GXYLT1: variants seen among roughly 807,000 people sequenced by gnomAD.
GXYLT1 encodes the protein glucoside xylosyltransferase 1.
Under a neutral mutation model 54.0 loss-of-function variants are expected in GXYLT1, and 29 were observed. That is an observed-to-expected ratio of 0.54 (90% confidence interval 0.40 to 0.73). The LOEUF (loss-of-function observed/expected upper bound fraction) is 0.73. Ranked by LOEUF, GXYLT1 falls within the 30% of genes least tolerant of loss-of-function variation. GXYLT1 has a pLI of 0.00. For synonymous variants in GXYLT1, 176 were observed against 204.1 expected, an observed-to-expected ratio of 0.86 and a Z score of 1.17; for missense variants, 490 against 553.4, an observed-to-expected ratio of 0.89 and a Z score of 1.15.
chr12:42,123,623 A>G (rs1296539196), intron 2 of GXYLT1, among the ~76,000 whole-genome samples: 1 of 151,998 alleles, frequency 6.6e-6, no homozygotes, highest in African/African-American at 2.4e-5. Flanking sequence ...GAATCATAAT[A>G]ACTTTTTTGA....
intron 5 of GXYLT1, 68 bp downstream of exon 5, chr12:42,105,748 TTA>T: frequency 8.4e-7 from 1 of 1,191,024 alleles, no homozygotes; most frequent in Non-Finnish European, 1.2e-6. Context: ...TTAATAAAAT[TTA>T]GTTTTATTAA....
rs1323790152 is a variant in GXYLT1, at chr12:42,144,620, C to A, written c.27G>T (p.Val9=). MRRYLRVV[V]LCVACGFCSL... ...AGCAGAAGCCGCAGGCCACACACAG[C>A]ACCACGACGCGCAGGTAGCGCCGCA... Residue 9 remains valine, a synonymous_variant, in exon 1 of 8, where the codon GTG becomes GTT. Coordinates refer to ENST00000398675, the MANE Select transcript of GXYLT1 (RefSeq NM_173601.2). 6.8e-7 allele frequency: 1 copy of A among 1,474,260 alleles called. No homozygotes were observed. Among genetic ancestry groups the A allele is most frequent in the East Asian group, 2.8e-5 (1 of 35,478 alleles). The allele number at this position is 1,474,260 out of a possible 1,614,324, so 91.3% of individuals were successfully genotyped here. A position where few individuals can be genotyped will look rare whatever the true frequency, so the allele number is the denominator to read the frequency against.
rs777457268 is a variant in GXYLT1, at chr12:42,106,088, G to T, written c.613-19C>A. On this transcript the variant is annotated intron_variant, in intron 4 of 7. Coordinates refer to ENST00000398675, the MANE Select transcript of GXYLT1 (RefSeq NM_173601.2). ...GGATTAACTACAAGGAGAGATATTT[G>T]AATGATTAACTATAATTCTATTTTA... 2 of 1,448,840 alleles carry T rather than the reference G, an allele frequency of 1.4e-6. No individual in the cohort carries two copies. The highest frequency in any genetic ancestry group is 1.4e-5 in the South Asian group (1 of 72,868). 89.7% of individuals were successfully genotyped at this position (1,448,840 alleles called of 1,614,324 possible). A position where few individuals can be genotyped will look rare whatever the true frequency, so the allele number is the denominator to read the frequency against.
chr12:42,096,411 G>A (rs1025168781), intron 7 of GXYLT1, among the ~76,000 whole-genome samples: 7 of 152,146 alleles, frequency 4.6e-5, no homozygotes, highest in Admixed American at 4.6e-4. Flanking sequence ...GACACAAGAA[G>A]TAGCCAATGG....
Position 42,097,441 on chromosome 12 carries a change from C to T in GXYLT1, c.1161+1G>A. The T allele has an allele frequency of 6.5e-7, 1 of 1,546,118 alleles. No homozygotes were observed. Among genetic ancestry groups the T allele is most frequent in the Non-Finnish European group, 8.6e-7 (1 of 1,156,390 alleles). On this transcript the variant is annotated splice_donor_variant, in intron 7 of 7. Transcript: ENST00000398675. LOFTEE classifies it high-confidence loss of function. ...TAAAAAAAAGGAAAGGCAAATCTTA[C>T]ATTTCTCAGTGCTTCATAAACAGCT...
intron 3 of GXYLT1, among the ~76,000 whole-genome samples, chr12:42,113,724 A>T (rs1372151080): frequency 6.6e-6 from 1 of 150,966 alleles, no homozygotes; most frequent in Non-Finnish European, 1.5e-5. Context: ...GATCAACGAG[A>T]CAGAAAGTTA....
intron 7 of GXYLT1, among the ~76,000 whole-genome samples, chr12:42,095,193 T>C (rs1002127567): frequency 2.0e-5 from 3 of 152,186 alleles, no homozygotes; most frequent in Non-Finnish European, 4.4e-5. Context: ...TCACAAATCA[T>C]TGGCAGGAAT....
Position 42,110,048 on chromosome 12 carries a change from T to C in GXYLT1, c.487-357A>G, listed in dbSNP as rs541330649. On this transcript the variant is annotated intron_variant, in intron 3 of 7. Transcript: ENST00000398675. Reference sequence around the variant, plus strand: ...AGCTAAAATCAGAAAAATTAAGCACTAATATTATTACCACCATATATACGA... The same window carrying C: ...AGCTAAAATCAGAAAAATTAAGCACCAATATTATTACCACCATATATACGA... Among the ~76,000 whole-genome samples the C allele has an allele frequency of 3.3e-5, 5 of 152,294 alleles. No homozygotes were observed. The East Asian group carries it at 7.7e-4, about 23-fold the overall frequency.
intron 3 of GXYLT1, among the ~76,000 whole-genome samples, chr12:42,114,020 G>T (rs1046297313): frequency 2.2e-4 from 33 of 152,192 alleles, no homozygotes; most frequent in East Asian, 2.1e-3. Context: ...AACCTGCTCC[G>T]GAATGACTAC....
intron 3 of GXYLT1, among the ~76,000 whole-genome samples, chr12:42,110,073 A>C (rs916336397): frequency 1.3e-5 from 2 of 152,212 alleles, no homozygotes; most frequent in East Asian, 3.8e-4. Context: ...CATATATACG[A>C]TATGAAAGAT....
At chr12:42,134,235 T>C (rs2065607874) in intron 1 of GXYLT1, among the ~76,000 whole-genome samples, 1 of 151,648 alleles carries the variant, frequency 6.6e-6, no homozygotes, top group Non-Finnish European at 1.5e-5. Context: ...GAAGAAAAAG[T>C]AAAAAAATGA....
chr12:42,089,247 T>G (rs1458629578), intron 7 of GXYLT1, among the ~76,000 whole-genome samples: 1 of 148,038 alleles, frequency 6.8e-6, no homozygotes, highest in Non-Finnish European at 1.5e-5. Flanking sequence ...AAGAGTTGTA[T>G]ATGACTGCAT....
At chr12:42,141,134 A>C (rs2065649975) in intron 1 of GXYLT1, among the ~76,000 whole-genome samples, 1 of 152,200 alleles carries the variant, frequency 6.6e-6, no homozygotes, top group Admixed American at 6.5e-5. Context: ...GAGTCAACAA[A>C]TCAGAGTTCC....
intron 2 of GXYLT1, among the ~76,000 whole-genome samples, chr12:42,119,453 AG>A (rs2065517509): frequency 1.3e-5 from 2 of 149,638 alleles, no homozygotes; most frequent in Non-Finnish European, 2.9e-5. Context: ...AGAAAGGGAA[AG>A]GCAAAGGGAA....
chr12:42,138,651 C>T (rs1258916905), intron 1 of GXYLT1, among the ~76,000 whole-genome samples: 1 of 152,186 alleles, frequency 6.6e-6, no homozygotes, highest in East Asian at 1.9e-4. Context: ...ACAGTACACA[C>T]ATTATGAACA....
intron 1 of GXYLT1, among the ~76,000 whole-genome samples, chr12:42,140,017 T>C (rs931962682): frequency 2.6e-4 from 39 of 151,656 alleles, no homozygotes; most frequent in South Asian, 8.3e-4. Flanking sequence ...CCGTCTCTAC[T>C]AAAAATACAA....
chr12:42,116,076 T>G (rs957659441), intron 3 of GXYLT1, among the ~76,000 whole-genome samples: 21 of 152,012 alleles, frequency 1.4e-4, no homozygotes, highest in African/African-American at 4.6e-4. Context: ...TGGCTAGCCA[T>G]ACGTAGAAAG....
intron 7 of GXYLT1, among the ~76,000 whole-genome samples, chr12:42,092,579 CAAG>C (rs1365223631): frequency 1.3e-5 from 2 of 151,878 alleles, no homozygotes; most frequent in Non-Finnish European, 2.9e-5. Flanking sequence ...CTAATAAGAA[CAAG>C]AAGAAAAGAG....
intron 3 of GXYLT1, among the ~76,000 whole-genome samples, chr12:42,117,855 A>G (rs1410834479): frequency 1.3e-5 from 2 of 152,248 alleles, no homozygotes; most frequent in Non-Finnish European, 2.9e-5. Context: ...AGGCATGGTC[A>G]TATGACTAAA....
Sources: gnomAD v4.1 joint callset for allele counts (sites outside exome capture counted in the v4.1 genomes callset) on GRCh38, gnomAD v4.1.1 for gene constraint, MANE v1.5 for transcripts, NCBI Gene and HGNC (gene_info 2026-07-23, HGNC 2026-07-21) for gene names.